Variants in MRPS5 observed in about 807,000 individuals in gnomAD.
MRPS5 encodes the protein small ribosomal subunit protein uS5m.
In MRPS5, 27 loss-of-function variants were observed where a neutral mutation model predicts 51.9. The ratio of observed to expected loss-of-function variants is 0.52; its 90% CI spans 0.38 to 0.72. The LOEUF is 0.72. Among genes scored for constraint, MRPS5 ranks in the 30% least tolerant of loss-of-function variants. The pLI, the probability that MRPS5 is intolerant of heterozygous loss-of-function variation, is 0.00. For missense variants in MRPS5, 570 were observed against 545.7 expected (o/e 1.04, Z -0.44); for synonymous variants, 196 against 193.2 (o/e 1.01, Z -0.12).
At chr2:95,120,243 A>C (rs1442294727) in intron 1 of MRPS5, among the ~76,000 whole-genome samples, 1 of 152,256 alleles carries the variant, frequency 6.6e-6, no homozygotes, top group Non-Finnish European at 1.5e-5. Context: ...AAAATGTGGT[A>C]TTCATACAAT....
At chr2:95,094,447 T>G (rs532191641) in intron 10 of MRPS5, among the ~76,000 whole-genome samples, 2 of 151,922 alleles carry the variant, frequency 1.3e-5, no homozygotes, top group African/African-American at 2.4e-5. Flanking sequence ...TTCACCAAGG[T>G]TGAAATGAAG....
At chr2:95,097,218 T>C (rs1451854796) in intron 10 of MRPS5, among the ~76,000 whole-genome samples, 1 of 152,246 alleles carries the variant, frequency 6.6e-6, no homozygotes, top group Non-Finnish European at 1.5e-5. Flanking sequence ...GAACATTCCA[T>C]GCTCATGGAT....
At chr2:95,116,114 C>T (rs1185127821) in intron 2 of MRPS5, among the ~76,000 whole-genome samples, 1 of 151,902 alleles carries the variant, frequency 6.6e-6, no homozygotes, top group Non-Finnish European at 1.5e-5. Context: ...CCATGGTGGC[C>T]AGGCTGGTCT....
At chr2:95,120,844 G>A (rs570179161) in intron 1 of MRPS5, among the ~76,000 whole-genome samples, 2 of 152,304 alleles carry the variant, frequency 1.3e-5, no homozygotes, top group African/African-American at 2.4e-5. Flanking sequence ...GGAGACGGCC[G>A]GGCGTGGTGG....
chr2:95,115,230 G>A, intron 2 of MRPS5, 27 bp from the exon 3 acceptor site: 1 of 1,529,468 alleles, frequency 6.5e-7, no homozygotes, highest in East Asian at 2.3e-5. Context: ...TAAACTTTGA[G>A]TTAGATGTTT....
chr2:95,119,796 C>T (rs1282153530), intron 1 of MRPS5, among the ~76,000 whole-genome samples: 1 of 152,140 alleles, frequency 6.6e-6, no homozygotes, highest in Non-Finnish European at 1.5e-5. Context: ...ACATGTATGG[C>T]TCACACCTAT....
chr2:95,111,618 C>T (rs775389331), intron 3 of MRPS5, among the ~76,000 whole-genome samples: 2 of 152,052 alleles, frequency 1.3e-5, no homozygotes, highest in South Asian at 2.1e-4. Context: ...CTATTAAAAA[C>T]GTTTTTAATA....
chr2:95,108,340 C>A lies in MRPS5; in HGVS notation c.472G>T (p.Ala158Ser). The A allele has an allele frequency of 6.2e-7, 1 of 1,614,172 alleles. No homozygotes were observed. Among genetic ancestry groups the A allele is most frequent in the South Asian group, 1.1e-5 (1 of 91,082 alleles). ...LMKNGAVQTIAQRSKEEQEKV... is the reference protein window; with the variant it reads ...LMKNGAVQTISQRSKEEQEKV... ...TCCTGCTCTTCCTTGCTTCTTTGGG[C>A]AATGGTCTGCACTGCTCCATTTTTC... The change falls in exon 5 of 12, where the codon GCC (alanine) becomes TCC (serine). Residue 158 changes from alanine (A) to serine (S), a missense_variant. Physicochemically the swap from Ala to Ser is moderately conservative, Grantham distance 99 (BLOSUM62 1). Coordinates refer to ENST00000272418, the MANE Select transcript of MRPS5 (RefSeq NM_031902.5).
At chr2:95,112,133 C>T (rs1346342116) in intron 3 of MRPS5, among the ~76,000 whole-genome samples, 2 of 152,040 alleles carry the variant, frequency 1.3e-5, no homozygotes, top group African/African-American at 2.4e-5. Flanking sequence ...GGCACGATCT[C>T]GGCTCACTGC....
chr2:95,118,990 T>TA (rs906515597), intron 1 of MRPS5, among the ~76,000 whole-genome samples: 2 of 151,704 alleles, frequency 1.3e-5, no homozygotes, highest in African/African-American at 4.8e-5. Flanking sequence ...AGAAAAAAAA[T>TA]AGACAAATGA....
chr2:95,116,038 T>A (rs1676277607), intron 2 of MRPS5, among the ~76,000 whole-genome samples: 1 of 151,884 alleles, frequency 6.6e-6, no homozygotes, highest in Non-Finnish European at 1.5e-5. Flanking sequence ...CCCAAGTAGC[T>A]GGGATTACAG....
intron 11 of MRPS5, among the ~76,000 whole-genome samples, chr2:95,087,875 C>T (rs1262956256): frequency 1.3e-5 from 2 of 152,146 alleles, no homozygotes; most frequent in African/African-American, 4.8e-5. Flanking sequence ...AAACACTGAA[C>T]TTGAATCTCA....
chr2:95,087,144 T>C lies in MRPS5; in HGVS notation c.*213A>G, dbSNP rs1675314477. ...TACTTTGGATGAATATTTAAAGTAGTCTTGAACTGAGATATGTATGTAAAG... is the reference window on the plus strand; with the variant it reads ...TACTTTGGATGAATATTTAAAGTAGCCTTGAACTGAGATATGTATGTAAAG... On this transcript the variant is annotated 3_prime_UTR_variant, in exon 12 of 12. Coordinates refer to ENST00000272418, the MANE Select transcript of MRPS5 (RefSeq NM_031902.5). The C allele has an allele frequency of 2.0e-6, 1 of 489,028 alleles. No homozygotes were observed. Among genetic ancestry groups the C allele is most frequent in the Non-Finnish European group, 3.6e-6 (1 of 279,290 alleles). The allele number at this position is 489,028 out of a possible 1,614,324, so 30.3% of individuals were successfully genotyped here.
At chr2:95,113,108 T>G (rs1290718180) in intron 3 of MRPS5, among the ~76,000 whole-genome samples, 1 of 151,694 alleles carries the variant, frequency 6.6e-6, no homozygotes, top group African/African-American at 2.4e-5. Context: ...GGGACAACCA[T>G]GAAGGATGAG....
rs1487374486 is a variant in MRPS5 at position 95,085,464 on chromosome 2, C to G, written c.*1893G>C. Among the ~76,000 whole-genome samples the G allele has an allele frequency of 6.6e-6, 1 of 152,142 alleles. No individual in the cohort carries two copies. The highest frequency in any genetic ancestry group is 2.4e-5 in the African/African-American group (1 of 41,450). Reference sequence around the variant, plus strand: ...TACTTAAGAAGGAAAACTAACAGGACAGATAAGTTTTAGGAAATAACTACC... The same window carrying G: ...TACTTAAGAAGGAAAACTAACAGGAGAGATAAGTTTTAGGAAATAACTACC... On this transcript the variant is annotated 3_prime_UTR_variant, in exon 12 of 12. Transcript: ENST00000272418.
At chr2:95,117,554 T>G (rs574674655) in intron 2 of MRPS5, among the ~76,000 whole-genome samples, 130 of 148,532 alleles carry the variant, frequency 8.8e-4, no homozygotes, top group African/African-American at 3.0e-3. Flanking sequence ...AAATTGAAAA[T>G]TTAACTCTTC....
At chr2:95,097,518 C>A (rs1228660492) in intron 10 of MRPS5, among the ~76,000 whole-genome samples, 1 of 152,058 alleles carries the variant, frequency 6.6e-6, no homozygotes, top group East Asian at 1.9e-4. Flanking sequence ...CCAATGGAAT[C>A]GAACAGAGGC....
At chr2:95,115,320 A>T in intron 2 of MRPS5, 117 bp from the exon 3 acceptor site, 1 of 1,055,132 alleles carries the variant, frequency 9.5e-7, no homozygotes, top group Non-Finnish European at 1.3e-6. Context: ...AACTTTTAAG[A>T]ATCAGATTTT....
intron 2 of MRPS5, among the ~76,000 whole-genome samples, chr2:95,117,342 A>G (rs1208602269): frequency 1.3e-5 from 2 of 151,730 alleles, no homozygotes; most frequent in Non-Finnish European, 2.9e-5. Flanking sequence ...GCATTTAGAA[A>G]AATACTGTAA....
Sources: allele counts gnomAD v4.1 joint callset (sites outside exome capture counted in the v4.1 genomes callset), GRCh38; gene constraint gnomAD v4.1.1; transcripts MANE v1.5; gene names NCBI Gene and HGNC (gene_info 2026-07-23, HGNC 2026-07-21).